CCDC30: variants seen among roughly 807,000 people sequenced by gnomAD.
CCDC30 encodes coiled-coil domain-containing protein 30.
CCDC30 carries 70 observed loss-of-function variants against 100.2 expected under a neutral mutation model. That is an observed-to-expected ratio of 0.70 (90% CI 0.58 to 0.85). CCDC30 has a LOEUF of 0.85. Among genes scored for constraint, CCDC30 ranks in the 40% least tolerant of loss-of-function variants. CCDC30 has a pLI of 0.00. For missense variants in CCDC30, 652 were observed against 771.2 expected (o/e 0.85, Z 1.83); for synonymous variants, 233 against 269.5 (o/e 0.86, Z 1.33).
At chr1:42,646,084 C>A in intron 14 of CCDC30, 51 bp from the exon 19 acceptor site, 1 of 1,512,794 alleles carries the variant, frequency 6.6e-7, no homozygotes, top group South Asian at 1.4e-5. Context: ...TAACTTCTAA[C>A]ATCTTGATAC....
intron 7 of CCDC30, among the ~76,000 whole-genome samples, chr1:42,571,960 T>C (rs939488401): frequency 6.6e-6 from 1 of 152,236 alleles, no homozygotes; most frequent in Admixed American, 6.5e-5. Context: ...TAGCAAGATA[T>C]ATGAATAGAA....
intron 3 of CCDC30, among the ~76,000 whole-genome samples, chr1:42,485,353 C>T (rs1226097129): frequency 6.6e-6 from 1 of 152,100 alleles, no homozygotes; most frequent in African/African-American, 2.4e-5. Flanking sequence ...AAAACCTTTA[C>T]AGTTCAAAAC....
chr1:42,502,193 GT>G (rs1326643925), intron 6 of CCDC30, among the ~76,000 whole-genome samples: 1 of 152,164 alleles, frequency 6.6e-6, no homozygotes, highest in Non-Finnish European at 1.5e-5. Context: ...CTGCCTTGCA[GT>G]TCGATCTCAG....
chr1:42,469,327 A>G (rs2148437735), intron 1 of CCDC30, among the ~76,000 whole-genome samples: 1 of 152,332 alleles, frequency 6.6e-6, no homozygotes, highest in East Asian at 1.9e-4. Flanking sequence ...AACTGTAGTG[A>G]GCTATGGATA....
At chr1:42,642,224 T>TAAAC (rs375784158) in intron 12 of CCDC30, among the ~76,000 whole-genome samples, 47 of 150,412 alleles carry the variant, frequency 3.1e-4, no homozygotes, top group Admixed American at 2.2e-3. Flanking sequence ...AGTTCTGTCT[T>TAAAC]AAACAAACAA....
rs558132115 is a variant in CCDC30 at position 42,621,668 on chromosome 1, C to T, written c.1277+10578C>T. On this transcript the variant is annotated intron_variant, in intron 11 of 16. Transcript: ENST00000668663. ...CTAGGACTACAGGCGCCTGCCACCA[C>T]GCAGGCTAATTTTTTTGTATTTTTA... Among the ~76,000 whole-genome samples the T allele has an allele frequency of 6.6e-5, 10 of 152,140 alleles. No homozygotes were observed. The East Asian group carries it at 1.4e-3, about 21-fold the overall frequency.
At chr1:42,513,538 A>G (rs1314825430) in intron 6 of CCDC30, among the ~76,000 whole-genome samples, 1 of 152,094 alleles carries the variant, frequency 6.6e-6, no homozygotes, top group African/African-American at 2.4e-5. Flanking sequence ...GCCTTTTCCT[A>G]TTGGCACAAC....
At chr1:42,482,527 ACACT>A (rs1290143285) in intron 2 of CCDC30, 132 bp from the exon 3 acceptor site, 10 of 442,958 alleles carry the variant, frequency 2.3e-5, no homozygotes, top group Admixed American at 4.5e-5. Context: ...ATACACACAC[ACACT>A]CACACACACA....
At chr1:42,487,156 T>C (rs1467729683) in intron 3 of CCDC30, among the ~76,000 whole-genome samples, 1 of 150,398 alleles carries the variant, frequency 6.6e-6, no homozygotes, top group Admixed American at 6.6e-5. Flanking sequence ...AGTGGTTGTC[T>C]AGGGCTAGGT....
chr1:42,530,666 G>C (rs143384187), intron 6 of CCDC30, among the ~76,000 whole-genome samples: 14 of 152,188 alleles, frequency 9.2e-5, no homozygotes, highest in African/African-American at 3.1e-4. Context: ...TTTAAAAATA[G>C]TGTAACAACA....
intron 6 of CCDC30, among the ~76,000 whole-genome samples, chr1:42,501,093 T>C (rs550513898): frequency 6.6e-6 from 1 of 152,314 alleles, no homozygotes; most frequent in South Asian, 2.1e-4. Context: ...ATTTAAGAAA[T>C]CTTTATCTAC....
intron 6 of CCDC30, among the ~76,000 whole-genome samples, chr1:42,513,377 G>A (rs1468360650): frequency 1.3e-5 from 2 of 152,204 alleles, no homozygotes; most frequent in Non-Finnish European, 2.9e-5. Context: ...TACATAGTGT[G>A]TGGGGAAGGT....
At chr1:42,460,966 A>C (rs1643395030), upstream of CCDC30, among the ~76,000 whole-genome samples, 1 of 152,182 alleles carries the variant, frequency 6.6e-6, no homozygotes, top group Admixed American at 6.5e-5. Flanking sequence ...TCTTTGAAAA[A>C]CTTTCAATAC....
chr1:42,649,177 A>C (rs1436558696), intron 15 of CCDC30, among the ~76,000 whole-genome samples: 1 of 152,226 alleles, frequency 6.6e-6, no homozygotes, highest in African/African-American at 2.4e-5. Flanking sequence ...AGGAGGGAAT[A>C]CTAACAAACT....
intron 1 of CCDC30, among the ~76,000 whole-genome samples, chr1:42,477,446 T>G (rs1643896369): frequency 6.6e-6 from 1 of 152,192 alleles, no homozygotes; most frequent in South Asian, 2.1e-4. Flanking sequence ...GCCAGGATGA[T>G]CTTGATCTCT....
At chr1:42,494,566 G>A (rs1557804369) in intron 4 of CCDC30, among the ~76,000 whole-genome samples, 2 of 151,976 alleles carry the variant, frequency 1.3e-5, no homozygotes, top group Admixed American at 6.6e-5. Context: ...GAGTGAACAG[G>A]CAACCCACAA....
At chr1:42,520,066 T>C (rs1644613554) in intron 6 of CCDC30, among the ~76,000 whole-genome samples, 1 of 152,118 alleles carries the variant, frequency 6.6e-6, no homozygotes, top group Non-Finnish European at 1.5e-5. Flanking sequence ...ACAAAGCTTT[T>C]TGTATATTTT....
At chr1:42,511,743 T>G (rs1393212067) in intron 6 of CCDC30, among the ~76,000 whole-genome samples, 1 of 152,042 alleles carries the variant, frequency 6.6e-6, no homozygotes, top group Non-Finnish European at 1.5e-5. Context: ...GGGACGACAT[T>G]GTGCCTCATG....
intron 6 of CCDC30, among the ~76,000 whole-genome samples, chr1:42,540,201 T>TAA (rs1644984624): frequency 6.6e-6 from 1 of 152,230 alleles, no homozygotes; most frequent in Non-Finnish European, 1.5e-5. Flanking sequence ...TATGTGTAGT[T>TAA]ATCCCAGAAA....
Sources: allele counts gnomAD v4.1 joint callset (sites outside exome capture counted in the v4.1 genomes callset), GRCh38; gene constraint gnomAD v4.1.1; transcripts MANE v1.5; gene names NCBI Gene and HGNC (gene_info 2026-07-23, HGNC 2026-07-21).